The following FAM120A variants were observed in gnomAD, a reference collection of about 807,000 sequenced individuals.
FAM120A encodes constitutive coactivator of PPAR-gamma-like protein 1.
A neutral mutation model predicts 109.7 loss-of-function variants in FAM120A; 15 were observed. The observed-to-expected ratio is 0.14, with a 90% CI of 0.09 to 0.21. The LOEUF (loss-of-function observed/expected upper bound fraction) is 0.21, where lower values mean the gene tolerates loss of function less well. Ranked by LOEUF, FAM120A falls within the 10% of genes least tolerant of loss-of-function variation. The pLI, the probability that FAM120A is intolerant of heterozygous loss-of-function variation, is 1.00. For missense variants in FAM120A, 899 were observed against 1,439.3 expected (o/e 0.62, Z 6.07); for synonymous variants, 493 against 572.8 (o/e 0.86, Z 1.99).
Position 93,452,913 on chromosome 9 carries a change from G to A in FAM120A, c.474+524G>A. The A allele has an allele frequency of 2.1e-6, 3 of 1,431,180 alleles. No individual in the cohort carries two copies. The South Asian group carries it at 4.5e-5, about 22-fold the overall frequency. The allele number at this position is 1,431,180 out of a possible 1,614,324, so 88.7% of individuals were successfully genotyped here. A position where few individuals can be genotyped will look rare whatever the true frequency, so the allele number is the denominator to read the frequency against. On this transcript the variant is annotated intron_variant, in intron 1 of 17. Coordinates refer to ENST00000277165, the MANE Select transcript of FAM120A (RefSeq NM_014612.5). The surrounding 1 kb of genome is among the most constrained non-coding windows in gnomAD (Gnocchi z 7.0). ...CCCTTGCCAATGTTGTTAGCCCGGTGACAGCGAGACGTGTCTAAGGGCCAG... is the reference window on the plus strand; with the variant it reads ...CCCTTGCCAATGTTGTTAGCCCGGTAACAGCGAGACGTGTCTAAGGGCCAG...
chr9:93,556,950 TAA>T (rs1256076102), intron 13 of FAM120A, among the ~76,000 whole-genome samples: 2 of 152,178 alleles, frequency 1.3e-5, no homozygotes, highest in African/African-American at 4.8e-5. Context: ...GCATTTTCGT[TAA>T]AGACACCTTA....
intron 7 of FAM120A, among the ~76,000 whole-genome samples, chr9:93,525,881 C>G (rs545967938): frequency 6.6e-6 from 1 of 152,338 alleles, no homozygotes; most frequent in Admixed American, 6.5e-5. Context: ...GGTGGGTGAA[C>G]TTTTCATGGC....
At chr9:93,493,872 G>A (rs1368260537) in intron 3 of FAM120A, among the ~76,000 whole-genome samples, 1 of 152,196 alleles carries the variant, frequency 6.6e-6, no homozygotes, top group Non-Finnish European at 1.5e-5. Context: ...TTTTCTTTCT[G>A]GAGCTCCTGG....
chr9:93,511,523 C>T (rs2131391694), intron 5 of FAM120A, among the ~76,000 whole-genome samples: 1 of 152,346 alleles, frequency 6.6e-6, no homozygotes, highest in Admixed American at 6.5e-5. Context: ...CCCCACCCTG[C>T]CTCTCTGGAC....
At chr9:93,504,742 C>T (rs1044555320) in intron 5 of FAM120A, among the ~76,000 whole-genome samples, 1 of 152,126 alleles carries the variant, frequency 6.6e-6, no homozygotes. Context: ...GGATAGCGCA[C>T]TTGTGAACAT....
intron 1 of FAM120A, among the ~76,000 whole-genome samples, chr9:93,454,888 G>T (rs1026781207): frequency 1.3e-5 from 2 of 152,156 alleles, no homozygotes; most frequent in Non-Finnish European, 2.9e-5. Flanking sequence ...AAAAATATGA[G>T]CAATACCAAG....
intron 8 of FAM120A, among the ~76,000 whole-genome samples, chr9:93,528,842 A>G (rs1482990612): frequency 1.3e-5 from 2 of 151,996 alleles, no homozygotes; most frequent in Admixed American, 6.5e-5. Context: ...CAGCTGTGGC[A>G]TGGAGTCAGC....
intron 3 of FAM120A, among the ~76,000 whole-genome samples, chr9:93,483,461 T>C (rs897680608): frequency 1.7e-4 from 26 of 152,132 alleles, no homozygotes; most frequent in Non-Finnish European, 2.9e-5. Flanking sequence ...CCCTCTGATT[T>C]TGTTAATCTT....
At chr9:93,509,186 G>A (rs1186938637) in intron 5 of FAM120A, among the ~76,000 whole-genome samples, 1 of 152,238 alleles carries the variant, frequency 6.6e-6, no homozygotes, top group Non-Finnish European at 1.5e-5. Flanking sequence ...AGACCACATG[G>A]TGGCCCACAC....
chr9:93,494,280 C>G (rs796470499), intron 3 of FAM120A, among the ~76,000 whole-genome samples: 13 of 152,368 alleles, frequency 8.5e-5, no homozygotes, highest in African/African-American at 3.1e-4. Flanking sequence ...TTGCTTCAAT[C>G]TTTCCTTCAG....
At chr9:93,467,258 C>CGCCG (rs56698785) in intron 1 of FAM120A, among the ~76,000 whole-genome samples, 1 of 49,122 alleles carries the variant, frequency 2.0e-5, no homozygotes, top group East Asian at 9.5e-4. Flanking sequence ...CCCCCCCCCC[C>CGCCG]TTTTCCCCCA....
rs1859674504 is a variant in FAM120A at position 93,498,556 on chromosome 9, C to G, written c.934-234C>G. Among the ~76,000 whole-genome samples, 1 of 152,232 alleles carries G rather than the reference C, an allele frequency of 6.6e-6. No homozygotes were observed. Among genetic ancestry groups the G allele is most frequent in the South Asian group, 2.1e-4 (1 of 4,836 alleles). Reference sequence around the variant, plus strand: ...CTAGAGCTAGAACCCAGGGCCCTGACTACCACTTTGGAGTTCTGCTCTTGT... The same window carrying G: ...CTAGAGCTAGAACCCAGGGCCCTGAGTACCACTTTGGAGTTCTGCTCTTGT... On this transcript the variant is annotated intron_variant, in intron 4 of 17. Coordinates refer to ENST00000277165, the MANE Select transcript of FAM120A (RefSeq NM_014612.5). This position sits in a 1 kb window ranked among gnomAD's most constrained non-coding sequence, Gnocchi z 4.4.
intron 10 of FAM120A, among the ~76,000 whole-genome samples, chr9:93,541,858 T>C (rs1400223551): frequency 1.3e-5 from 2 of 152,250 alleles, no homozygotes; most frequent in African/African-American, 4.8e-5. Flanking sequence ...TTGTCAGGTA[T>C]TGAAATGTAT....
At chr9:93,491,796 C>A (rs905818767) in intron 3 of FAM120A, among the ~76,000 whole-genome samples, 1 of 146,244 alleles carries the variant, frequency 6.8e-6, no homozygotes. Context: ...CTAGATATGT[C>A]GCAATTTATT....
rs543926204 is a variant in FAM120A at position 93,473,984 on chromosome 9, A to T, written c.722-2272A>T. On this transcript the variant is annotated intron_variant, in intron 2 of 17. Transcript: ENST00000277165. ...TAGCTCATTTGAAAAATGGAAGAAT[A>T]CTTGTTTATCTTGTTTAAGAAACAT... is the stretch of plus-strand genomic sequence containing the variant. Among the ~76,000 whole-genome samples, 8 of 152,260 alleles carry T rather than the reference A, an allele frequency of 5.3e-5. No individual in the cohort carries two copies. In the South Asian group the frequency reaches 1.5e-3, roughly 28 times the overall value.
chr9:93,469,538 A>G (rs1858214454), intron 1 of FAM120A, among the ~76,000 whole-genome samples: 1 of 152,246 alleles, frequency 6.6e-6, no homozygotes, highest in African/African-American at 2.4e-5. Context: ...AGTTGTACAT[A>G]ATAAAAAGAT....
chr9:93,521,840 C>T (rs1047366658), intron 7 of FAM120A, among the ~76,000 whole-genome samples: 2 of 152,198 alleles, frequency 1.3e-5, no homozygotes, highest in African/African-American at 2.4e-5. Context: ...GTAATTTCAG[C>T]ACTTTGGGAA....
In FAM120A at chr9:93,451,911, C is replaced by T. The variant is rs761446847; in HGVS notation, c.-5C>T. On this transcript the variant is annotated 5_prime_UTR_variant, in exon 1 of 18. Transcript: ENST00000277165. ...CGCACCCGCGCCCGCGCCCCCGCCG[C>T]CGCCATGGGCGTGCAGGGCTTCCAG... The T allele has an allele frequency of 9.9e-5, 128 of 1,294,706 alleles. No homozygotes were observed. The highest frequency in any genetic ancestry group is 1.1e-4 in the Non-Finnish European group (117 of 1,026,472). The allele number at this position is 1,294,706 out of a possible 1,614,324, so 80.2% of individuals were successfully genotyped here. A position where few individuals can be genotyped will look rare whatever the true frequency, so the allele number is the denominator to read the frequency against.
At position 93,523,559 on chromosome 9, in the gene FAM120A, C is replaced by A. The variant is rs565020674; in HGVS notation, c.1419-3596C>A. 9.2e-5 allele frequency among the ~76,000 whole-genome samples: 14 copies of A among 152,240 alleles called. No homozygotes were observed. The South Asian group carries it at 2.7e-3, about 29-fold the overall frequency. On this transcript the variant is annotated intron_variant, in intron 7 of 17. Coordinates refer to ENST00000277165, the MANE Select transcript of FAM120A (RefSeq NM_014612.5). ...AAATTAATTGTGATCTATATCATTA[C>A]GTTGTGTTCTAGCCATCCACTAATC...
Sources: allele counts gnomAD v4.1 joint callset (sites outside exome capture counted in the v4.1 genomes callset), GRCh38; gene constraint gnomAD v4.1.1; non-coding constraint Gnocchi (gnomAD v3.1); transcripts MANE v1.5; gene names NCBI Gene and HGNC (gene_info 2026-07-23, HGNC 2026-07-21).